CASKIN1: variants seen among roughly 807,000 people sequenced by gnomAD.
CASKIN1 encodes the protein CASK interacting protein 1, also known as caskin-1.
A neutral mutation model predicts 117.5 loss-of-function variants in CASKIN1; 42 were observed. That is an observed-to-expected ratio of 0.36 (90% CI 0.28 to 0.46). CASKIN1 has a LOEUF of 0.46. Among genes scored for constraint, CASKIN1 ranks in the 20% least tolerant of loss-of-function variants. CASKIN1 has a pLI of 1.00. For missense variants in CASKIN1, 2,083 were observed against 2,077.3 expected, an observed-to-expected ratio of 1.00 and a Z score of -0.05; for synonymous variants, 1,148 against 961.7, an observed-to-expected ratio of 1.19 and a Z score of -3.59.
rs1427103193 is a variant in CASKIN1, at chr16:2,185,409, C to T, written c.1049-1G>A. On this transcript the variant is annotated splice_acceptor_variant, in intron 10 of 19. Coordinates refer to ENST00000343516, the MANE Select transcript of CASKIN1 (RefSeq NM_020764.4). LOFTEE classifies it high-confidence loss of function. ...CTTGGTTCAGTGCCTGCTCGGGAAC[C>T]TGTGGGTCAAGCAAAGCCTCCTAAG... is the stretch of plus-strand genomic sequence containing the variant. The T allele has an allele frequency of 6.3e-7, 1 of 1,599,518 alleles. No individual in the cohort carries two copies. Among genetic ancestry groups the T allele is most frequent in the Non-Finnish European group, 8.5e-7 (1 of 1,172,454 alleles).
chr16:2,187,148 T>C lies in CASKIN1; in HGVS notation c.835+18A>G, dbSNP rs758362208. 2.5e-6 allele frequency: 4 copies of C among 1,613,364 alleles called. No homozygotes were observed. The highest frequency in any genetic ancestry group is 3.4e-6 in the Non-Finnish European group (4 of 1,179,738). ...GCCCCAGCCCCAGCCACTGCCCCTC[T>C]GCCCTGCCTGGGCCCACCTCGCAAC... On this transcript the variant is annotated intron_variant, in intron 8 of 19. Coordinates refer to ENST00000343516, the MANE Select transcript of CASKIN1 (RefSeq NM_020764.4).
chr16:2,181,998 G>A, intron 16 of CASKIN1, 69 bp from the exon 17 acceptor site: 1 of 1,597,314 alleles, frequency 6.3e-7, no homozygotes, highest in Non-Finnish European at 8.6e-7. Flanking sequence ...ACCTGGAGCT[G>A]GAGGAGGAAG....
At chr16:2,178,712 G>T in intron 19 of CASKIN1, 66 bp from the exon 20 acceptor site, 1 of 1,443,178 alleles carries the variant, frequency 6.9e-7, no homozygotes, top group Non-Finnish European at 9.2e-7. Flanking sequence ...CCCCGACCAG[G>T]ACACGCCCAC....
In CASKIN1 at chr16:2,179,743, G is replaced by C; in HGVS notation, c.3625C>G (p.Pro1209Ala). ...EPPPTDLAHLPPLPPPEGEAR... is the reference protein window; with the variant it reads ...EPPPTDLAHLAPLPPPEGEAR... ...TCGCCCTCGGGCGGGGGCAATGGGGGTAGGTGCGCCAGGTCGGTGGGCGGG... is the reference window on the plus strand; with the variant it reads ...TCGCCCTCGGGCGGGGGCAATGGGGCTAGGTGCGCCAGGTCGGTGGGCGGG... Residue 1209 changes from proline (P) to alanine (A), a missense_variant, in exon 18 of 20, where the codon CCC (proline) becomes GCC (alanine). This residue lies in a region of CASKIN1 where 1,818 missense variants were observed against 1,688.9 expected (regional missense o/e 1.08). Coordinates refer to ENST00000343516, the MANE Select transcript of CASKIN1 (RefSeq NM_020764.4). This position sits in a 1 kb window ranked among gnomAD's most constrained non-coding sequence, Gnocchi z 5.8. 6.4e-7 allele frequency: 1 copy of C among 1,557,876 alleles called. No individual in the cohort carries two copies. The highest frequency in any genetic ancestry group is 1.4e-5 in the African/African-American group (1 of 73,966).
Position 2,180,717 on chromosome 16 carries a change from T to A in CASKIN1, c.2651A>T (p.Asn884Ile). The stretch of plus-strand genomic sequence containing the variant: ...CTCGCTGTCGGACGCCGCATAGCGA[T>A]TCAGGCTGTGGGCCCGCTTCTTGGG... The part of the protein sequence containing the change: ...GRPKKRAHSL[N>I]RYAASDSEPE... The change falls in exon 18 of 20, where the codon AAT becomes ATT. Residue 884 changes from asparagine (N) to isoleucine (I), a missense_variant. By Grantham distance (149) the Asn-to-Ile change is moderately radical. Coordinates refer to ENST00000343516, the MANE Select transcript of CASKIN1 (RefSeq NM_020764.4). 6.8e-7 allele frequency: 1 copy of A among 1,468,716 alleles called. No individual in the cohort carries two copies. The highest frequency in any genetic ancestry group is 9.0e-7 in the Non-Finnish European group (1 of 1,117,108). The allele number at this position is 1,468,716 out of a possible 1,614,324, so 91.0% of individuals were successfully genotyped here. A position where few individuals can be genotyped will look rare whatever the true frequency, so the allele number is the denominator to read the frequency against.
rs1416419443 is a variant in CASKIN1, at chr16:2,179,724, T to G, written c.3644A>C (p.Glu1215Ala). 9.8e-6 allele frequency: 15 copies of G among 1,532,628 alleles called. No homozygotes were observed. Among genetic ancestry groups the G allele is most frequent in the Admixed American group, 4.1e-5 (2 of 48,826 alleles). 94.9% of individuals were successfully genotyped at this position (1,532,628 alleles called of 1,614,324 possible). The change falls in exon 18 of 20, where the codon GAG (glutamate) becomes GCG (alanine). Residue 1215 changes from glutamate (E) to alanine (A), a missense_variant. Around this residue, in one of 3 missense-constraint regions of CASKIN1, gnomAD observed 1,818 missense variants for 1,688.9 expected, o/e 1.08. Coordinates refer to ENST00000343516, the MANE Select transcript of CASKIN1 (RefSeq NM_020764.4). This position sits in a 1 kb window ranked among gnomAD's most constrained non-coding sequence, Gnocchi z 5.8. Reference sequence around the variant, plus strand: ...CTTGGCCGGCTTCCGGGCTTCGCCCTCGGGCGGGGGCAATGGGGGTAGGTG... The same window carrying G: ...CTTGGCCGGCTTCCGGGCTTCGCCCGCGGGCGGGGGCAATGGGGGTAGGTG... ...LAHLPPLPPP[E>A]GEARKPAKPP...
chr16:2,185,878 C>T (rs773602147), intron 10 of CASKIN1, among the ~76,000 whole-genome samples: 2 of 152,276 alleles, frequency 1.3e-5, no homozygotes, highest in Non-Finnish European at 2.9e-5. Flanking sequence ...AGTCCCTCTC[C>T]TCAGCCTCCT....
Position 2,180,802 on chromosome 16 carries a change from C to T in CASKIN1, c.2566G>A (p.Val856Met), listed in dbSNP as rs765340222. 4.6e-5 allele frequency: 64 copies of T among 1,397,362 alleles called. No individual in the cohort carries two copies. Among genetic ancestry groups the T allele is most frequent in the East Asian group, 2.8e-5 (1 of 35,218 alleles). 86.6% of individuals were successfully genotyped at this position (1,397,362 alleles called of 1,614,324 possible). The change falls in exon 18 of 20, where the codon GTG becomes ATG. Residue 856 changes from valine (V) to methionine (M), a missense_variant. Val to Met is a conservative substitution (Grantham distance 21, BLOSUM62 1). This residue lies in a region of CASKIN1 where 1,818 missense variants were observed against 1,688.9 expected (regional missense o/e 1.08). Transcript: ENST00000343516. ...CACAGTGTGGGCACAGCCGTCGGCA[C>T]GGGTGGGGGCGCAGGCCCCGGGGCA... is the stretch of plus-strand genomic sequence containing the variant. ...PAAPGPAPPP[V>M]PTAVPTLCLP...
At chr16:2,178,681 G>C (rs1383750628) in intron 19 of CASKIN1, 35 bp from the exon 20 acceptor site, 11 of 1,547,084 alleles carry the variant, frequency 7.1e-6, no homozygotes, top group Non-Finnish European at 9.6e-6. Context: ...TGAGTGGGCG[G>C]GGCGGGTCTG....
chr16:2,191,380 C>G (rs1729307171), intron 1 of CASKIN1, among the ~76,000 whole-genome samples: 1 of 152,230 alleles, frequency 6.6e-6, no homozygotes, highest in Non-Finnish European at 1.5e-5. Context: ...TGATGACCCA[C>G]GAGGCTGGCC....
intron 1 of CASKIN1, among the ~76,000 whole-genome samples, chr16:2,193,084 C>T (rs1472000448): frequency 6.6e-6 from 1 of 152,146 alleles, no homozygotes; most frequent in South Asian, 2.1e-4. Flanking sequence ...ATGGTGCGAT[C>T]TCGGCTCACC....
chr16:2,193,386 G>C (rs1335435951), intron 1 of CASKIN1, among the ~76,000 whole-genome samples: 1 of 152,160 alleles, frequency 6.6e-6, no homozygotes, highest in Non-Finnish European at 1.5e-5. Context: ...ATTATGTCGT[G>C]GGGCCTACCA....
intron 14 of CASKIN1, among the ~76,000 whole-genome samples, chr16:2,184,379 G>T (rs1288106674): frequency 6.6e-6 from 1 of 152,082 alleles, no homozygotes; most frequent in Non-Finnish European, 1.5e-5. Context: ...CTCCTCCACC[G>T]TGCAGGACTC....
At position 2,185,126 on chromosome 16, in the gene CASKIN1, G is replaced by A. The variant is rs376544292; in HGVS notation, c.1224C>T (p.Gly408=). ...RGSGGHALHA[G]SEGVKLLATV... ...CCCCACCTACCTTGACGCCTTCAGAGCCCGCGTGTAGGGCGTGACCCCCGC... is the reference window on the plus strand; with the variant it reads ...CCCCACCTACCTTGACGCCTTCAGAACCCGCGTGTAGGGCGTGACCCCCGC... Residue 408 remains glycine (G), a synonymous_variant, in exon 12 of 20, where the codon GGC becomes GGT. Transcript: ENST00000343516. 2.5e-6 allele frequency: 4 copies of A among 1,608,934 alleles called. No individual in the cohort carries two copies. The highest frequency in any genetic ancestry group is 4.5e-5 in the East Asian group (2 of 44,866).
At position 2,179,617 on chromosome 16, in the gene CASKIN1, G is replaced by A. The variant is rs2093159623; in HGVS notation, c.3751C>T (p.Pro1251Ser). 2.7e-6 allele frequency: 4 copies of A among 1,459,308 alleles called. No individual in the cohort carries two copies. The highest frequency in any genetic ancestry group is 1.9e-4 in the Middle Eastern group (1 of 5,316). 90.4% of individuals were successfully genotyped at this position (1,459,308 alleles called of 1,614,324 possible). ...GSPTPTSKKV[P>S]LPGPGSPEVK... The stretch of plus-strand genomic sequence containing the variant: ...CCTGGGCTGCCAGGGCCTGGCAGCG[G>A]CACCTTCTTGGAGGTGGGTGTGGGC... Residue 1251 changes from proline to serine, a missense_variant, in exon 18 of 20, where the codon CCG becomes TCG. Physicochemically the swap from Pro to Ser is moderately conservative, Grantham distance 74. Coordinates refer to ENST00000343516, the MANE Select transcript of CASKIN1 (RefSeq NM_020764.4). The surrounding 1 kb of genome is among the most constrained non-coding windows in gnomAD (Gnocchi z 5.8).
At chr16:2,178,813 T>C (rs1351022017) in intron 19 of CASKIN1, 89 bp downstream of exon 19, 6 of 1,294,742 alleles carry the variant, frequency 4.6e-6, no homozygotes, top group Non-Finnish European at 6.0e-6. Flanking sequence ...GCCCCGCCCA[T>C]CTCTGCCGAG....
At chr16:2,190,027 GCT>G in intron 3 of CASKIN1, 44 bp downstream of exon 3, 1 of 1,246,144 alleles carries the variant, frequency 8.0e-7, no homozygotes, top group South Asian at 1.2e-5. Flanking sequence ...AGCCCCCCTC[GCT>G]GCCCCCGCCC....
At position 2,185,025 on chromosome 16, in the gene CASKIN1, G is replaced by A. The variant is rs144019033; in HGVS notation, c.1250C>T (p.Thr417Met). 2.1e-3 allele frequency: 3,352 copies of A among 1,609,204 alleles called. 12 individuals are homozygous for A. The highest frequency in any genetic ancestry group is 2.5e-3 in the Non-Finnish European group (2,988 of 1,176,948). ...AGAGACGGACTTCTGGGAAAGCACC[G>A]TTGCCAGGAGCTGCAACCCAGAAAC... is the stretch of plus-strand genomic sequence containing the variant. ...AGSEGVKLLATVLSQKSVSES... is the reference protein window; with the variant it reads ...AGSEGVKLLAMVLSQKSVSES... Residue 417 changes from threonine to methionine, a missense_variant, in exon 13 of 20, where the codon ACG (threonine) becomes ATG (methionine). Around this residue, in one of 3 missense-constraint regions of CASKIN1, gnomAD observed 1,818 missense variants for 1,688.9 expected, o/e 1.08. Coordinates refer to ENST00000343516, the MANE Select transcript of CASKIN1 (RefSeq NM_020764.4).
rs768567680 is a variant in CASKIN1 at position 2,181,619 on chromosome 16, C to G, written c.1769-20G>C. Reference sequence around the variant, plus strand: ...GGTGCCCTGAGTGGGGCGCAGGGGGCAGGTCAGGTGGACCAGGAGGCGGAG... The same window carrying G: ...GGTGCCCTGAGTGGGGCGCAGGGGGGAGGTCAGGTGGACCAGGAGGCGGAG... On this transcript the variant is annotated intron_variant, in intron 17 of 19. Coordinates refer to ENST00000343516, the MANE Select transcript of CASKIN1 (RefSeq NM_020764.4). The G allele has an allele frequency of 8.7e-6, 13 of 1,498,350 alleles. No individual in the cohort carries two copies. In the South Asian group the frequency reaches 1.6e-4, roughly 18 times the overall value. 92.8% of individuals were successfully genotyped at this position (1,498,350 alleles called of 1,614,324 possible). A position where few individuals can be genotyped will look rare whatever the true frequency, so the allele number is the denominator to read the frequency against.
Sources: gnomAD v4.1 joint callset for allele counts (sites outside exome capture counted in the v4.1 genomes callset) on GRCh38, gnomAD v4.1.1 for gene constraint, gnomAD v4.1.1 regional missense constraint, Gnocchi (gnomAD v3.1) non-coding constraint, MANE v1.5 for transcripts, NCBI Gene and HGNC (gene_info 2026-07-23, HGNC 2026-07-21) for gene names.